Variants in TYW1B observed in about 807,000 individuals in gnomAD.
TYW1B encodes the protein tRNA-yW synthesizing protein 1 homolog B, also known as S-adenosyl-L-methionine-dependent tRNA 4-demethylwyosine synthase TYW1B.
Under a neutral mutation model 86.9 loss-of-function variants are expected in TYW1B, and 73 were observed. The ratio of observed to expected loss-of-function variants is 0.84; its 90% CI spans 0.70 to 1.02. The LOEUF is 1.02. TYW1B is among the 50% of genes least tolerant of loss of function. The pLI is 0.00. For missense variants in TYW1B, 637 were observed against 827.4 expected, an observed-to-expected ratio of 0.77 and a Z score of 2.82; for synonymous variants, 248 against 292.8, an observed-to-expected ratio of 0.85 and a Z score of 1.56.
At chr7:72,688,840 T>G (rs1226418395) in intron 11 of TYW1B, among the ~76,000 whole-genome samples, 1 of 152,192 alleles carries the variant, frequency 6.6e-6, no homozygotes, top group Non-Finnish European at 1.5e-5. Context: ...AAAACGATAT[T>G]AGGTAAAAGG....
chr7:72,743,983 A>G (rs1338332924), intron 8 of TYW1B, among the ~76,000 whole-genome samples: 6 of 151,670 alleles, frequency 4.0e-5, no homozygotes, highest in Non-Finnish European at 7.4e-5. Context: ...TAAAGACTCA[A>G]TTCTGCATAC....
intron 13 of TYW1B, among the ~76,000 whole-genome samples, chr7:72,586,636 C>G (rs1811283796): frequency 6.6e-6 from 1 of 152,110 alleles, no homozygotes; most frequent in South Asian, 2.1e-4. Flanking sequence ...ACGTAGGAGG[C>G]TGAGGCAGGA....
At chr7:72,722,928 C>A in intron 9 of TYW1B, 1 of 713,706 alleles carries the variant, frequency 1.4e-6, no homozygotes, top group Non-Finnish European at 2.6e-6. Context: ...GAGTCTTCCA[C>A]ACCCAGCGCT....
chr7:72,682,036 C>T (rs117214925), intron 11 of TYW1B, among the ~76,000 whole-genome samples: 4,240 of 151,912 alleles, frequency 0.028, 73 homozygotes, highest in Non-Finnish European at 0.038. Flanking sequence ...CACCACCACA[C>T]CCACCTGATT....
At chr7:72,603,356 AC>A (rs1305428478) in intron 13 of TYW1B, among the ~76,000 whole-genome samples, 3 of 151,856 alleles carry the variant, frequency 2.0e-5, no homozygotes, top group African/African-American at 7.3e-5. Context: ...GGATGGATGG[AC>A]GAATGGACGG....
At chr7:72,664,818 T>C (rs113883745) in intron 11 of TYW1B, among the ~76,000 whole-genome samples, 8 of 152,172 alleles carry the variant, frequency 5.3e-5, no homozygotes, top group East Asian at 3.8e-4. Flanking sequence ...CTATGGGGGA[T>C]TGGTTCCAGG....
chr7:72,627,493 AACATAACATAACATAACAT>A (rs1812375610), intron 12 of TYW1B, among the ~76,000 whole-genome samples: 3 of 151,358 alleles, frequency 2.0e-5, no homozygotes, highest in Admixed American at 1.3e-4. Flanking sequence ...AACATAACAT[AACATAACATAACATAACAT>A]AAATAAAATA....
chr7:72,686,594 A>G (rs1554449455), intron 11 of TYW1B, among the ~76,000 whole-genome samples: 1 of 152,310 alleles, frequency 6.6e-6, no homozygotes, highest in Non-Finnish European at 1.5e-5. Flanking sequence ...TTCTTAGGGC[A>G]GTGAAACTAC....
intron 13 of TYW1B, among the ~76,000 whole-genome samples, chr7:72,596,901 T>C (rs1307557874): frequency 2.0e-5 from 3 of 147,086 alleles, no homozygotes; most frequent in East Asian, 1.9e-4. Flanking sequence ...CCAAAATATA[T>C]AGAGAATGCC....
intron 13 of TYW1B, among the ~76,000 whole-genome samples, chr7:72,590,863 G>C (rs1811380997): frequency 6.6e-6 from 1 of 152,006 alleles, no homozygotes; most frequent in South Asian, 2.1e-4. Flanking sequence ...CCTGAGAAAG[G>C]GTAGATGGCA....
At chr7:72,694,124 C>T (rs1585908241) in intron 11 of TYW1B, among the ~76,000 whole-genome samples, 2 of 152,060 alleles carry the variant, frequency 1.3e-5, no homozygotes, top group South Asian at 4.2e-4. Context: ...TCACAACTGG[C>T]TAATTTTTTG....
At chr7:72,750,101 A>C (rs1433162854) in intron 7 of TYW1B, among the ~76,000 whole-genome samples, 1 of 151,382 alleles carries the variant, frequency 6.6e-6, no homozygotes, top group Non-Finnish European at 1.5e-5. Context: ...GGGTCTTGCT[A>C]TATTGCCCAG....
chr7:72,744,490 C>T lies in TYW1B; in HGVS notation c.1076G>A (p.Cys359Tyr), dbSNP rs782767508. The change falls in exon 8 of 14, where the codon TGT (cysteine) becomes TAT (tyrosine). Residue 359 changes from cysteine (C) to tyrosine (Y), a missense_variant. Physicochemically the swap from Cys to Tyr is radical, Grantham distance 194 (BLOSUM62 -2). Coordinates refer to ENST00000620995, the MANE Select transcript of TYW1B (RefSeq NM_001145440.3). ...ACCTTTCATTTTTACTTACCACCAA[C>T]AGAAGACACATTTATTAGCACACGC... is the stretch of plus-strand genomic sequence containing the variant. Reference protein sequence around the residue: ...SLACANKCVFCWWHHNNPVGT... With the variant: ...SLACANKCVFYWWHHNNPVGT... 6.2e-6 allele frequency: 10 copies of T among 1,613,472 alleles called. No individual in the cohort carries two copies. The East Asian group carries it at 2.0e-4, about 32-fold the overall frequency.
In TYW1B at chr7:72,575,904, C is replaced by T. The variant is rs562179383; in HGVS notation, c.1786-185G>A. Among the ~76,000 whole-genome samples the T allele has an allele frequency of 1.4e-4, 22 of 152,302 alleles. No individual in the cohort carries two copies. In the East Asian group the frequency reaches 4.2e-3, roughly 29 times the overall value. On this transcript the variant is annotated intron_variant, in intron 13 of 13. Coordinates refer to ENST00000620995, the MANE Select transcript of TYW1B (RefSeq NM_001145440.3). ...CATGACTTCCTATCAAAGCAAGATG[C>T]GCTACAATCACAGGAGAGCTTCCTT... is the stretch of plus-strand genomic sequence containing the variant.
chr7:72,584,030 C>T (rs1407712883), intron 13 of TYW1B, among the ~76,000 whole-genome samples: 4 of 152,118 alleles, frequency 2.6e-5, no homozygotes, highest in Non-Finnish European at 2.9e-5. Flanking sequence ...CTCAAGGAAA[C>T]GGCAAAGAGA....
At chr7:72,622,817 C>T (rs1812256852) in intron 12 of TYW1B, among the ~76,000 whole-genome samples, 1 of 152,050 alleles carries the variant, frequency 6.6e-6, no homozygotes, top group African/African-American at 2.4e-5. Flanking sequence ...CACACATGCA[C>T]ACACACTACA....
chr7:72,696,061 C>G (rs1554451442), intron 10 of TYW1B, among the ~76,000 whole-genome samples: 1 of 151,686 alleles, frequency 6.6e-6, no homozygotes, highest in Non-Finnish European at 1.5e-5. Flanking sequence ...GACTCTCCTG[C>G]CTCAGTCTCC....
chr7:72,723,513 T>C (rs1554458028), intron 9 of TYW1B, among the ~76,000 whole-genome samples: 1 of 152,056 alleles, frequency 6.6e-6, no homozygotes, highest in African/African-American at 2.4e-5. Flanking sequence ...ACACCTATAA[T>C]CCCAACACTT....
At chr7:72,762,524 T>C (rs1334948665) in intron 7 of TYW1B, among the ~76,000 whole-genome samples, 1 of 152,164 alleles carries the variant, frequency 6.6e-6, no homozygotes, top group Non-Finnish European at 1.5e-5. Flanking sequence ...TAGAAAGCAA[T>C]GTTTTCCTTC....
Sources: gnomAD v4.1 joint callset for allele counts (sites outside exome capture counted in the v4.1 genomes callset) on GRCh38, gnomAD v4.1.1 for gene constraint, MANE v1.5 for transcripts, NCBI Gene and HGNC (gene_info 2026-07-23, HGNC 2026-07-21) for gene names.